ZNF462: variants seen among roughly 807,000 people sequenced by gnomAD.
ZNF462 encodes zinc finger PBX1-interacting protein.
A neutral mutation model predicts 201.9 loss-of-function variants in ZNF462; 10 were observed. The observed-to-expected ratio is 0.05, with a 90% CI of 0.03 to 0.08. ZNF462 has a LOEUF of 0.08. Among genes scored for constraint, ZNF462 ranks in the 10% least tolerant of loss-of-function variants. The pLI is 1.00. For missense variants in ZNF462, 2,523 were observed against 3,168.3 expected (o/e 0.80, Z 4.89); for synonymous variants, 1,227 against 1,193.3 (o/e 1.03, Z -0.58).
chr9:106,908,269 C>T (rs546067574), intron 1 of ZNF462, among the ~76,000 whole-genome samples: 1 of 152,126 alleles, frequency 6.6e-6, no homozygotes, highest in African/African-American at 2.4e-5. Flanking sequence ...GGTCTTTCTC[C>T]AATTAATCTG....
At position 106,902,520 on chromosome 9, in the gene ZNF462, TCG is replaced by T. The variant is rs1432701004; in HGVS notation, c.-30-20833_-30-20832del. Among the ~76,000 whole-genome samples the T allele has an allele frequency of 6.6e-6, 1 of 152,200 alleles. No individual in the cohort carries two copies. The highest frequency in any genetic ancestry group is 1.9e-4 in the East Asian group (1 of 5,196). The stretch of plus-strand genomic sequence containing the variant: ...TGGTACAAATTCTTTTTTGAATGTC[TCG>T]TAGAATTCTGCTGTGAATCCATCTG... On this transcript the variant is annotated intron_variant, in intron 1 of 12. Coordinates refer to ENST00000277225, the MANE Select transcript of ZNF462 (RefSeq NM_021224.6). The surrounding 1 kb of genome is among the most constrained non-coding windows in gnomAD (Gnocchi z 4.2).
At chr9:106,967,199 A>G (rs1832114265) in intron 7 of ZNF462, among the ~76,000 whole-genome samples, 1 of 152,082 alleles carries the variant, frequency 6.6e-6, no homozygotes, top group Non-Finnish European at 1.5e-5. Flanking sequence ...TCATAAGTCA[A>G]CTGCTCAACT....
chr9:106,971,256 C>G (rs1826591271), intron 7 of ZNF462, among the ~76,000 whole-genome samples: 1 of 151,536 alleles, frequency 6.6e-6, no homozygotes, highest in South Asian at 2.1e-4. Context: ...GATGTTGCAT[C>G]ATGTCCTTTC....
At chr9:106,996,038 T>A (rs1207872061) in intron 10 of ZNF462, among the ~76,000 whole-genome samples, 1 of 152,178 alleles carries the variant, frequency 6.6e-6, no homozygotes, top group African/African-American at 2.4e-5. Flanking sequence ...ATTGTTCAAT[T>A]CCCACCTATG....
At chr9:106,955,778 G>A (rs554206701) in intron 7 of ZNF462, among the ~76,000 whole-genome samples, 35 of 152,270 alleles carry the variant, frequency 2.3e-4, no homozygotes, top group Admixed American at 3.3e-4. Flanking sequence ...TTCATCAAAA[G>A]TAGTCTTCAC....
chr9:106,941,139 C>G (rs1830851400), intron 7 of ZNF462, among the ~76,000 whole-genome samples: 1 of 152,124 alleles, frequency 6.6e-6, no homozygotes, highest in Non-Finnish European at 1.5e-5. Flanking sequence ...TAAACCCACC[C>G]ACTGCATGTA....
chr9:106,867,319 TC>T (rs1827379197), intron 1 of ZNF462, among the ~76,000 whole-genome samples: 1 of 152,178 alleles, frequency 6.6e-6, no homozygotes, highest in Admixed American at 6.5e-5. Flanking sequence ...AGCTCAAAGA[TC>T]ATTTTTGTTT....
chr9:106,930,815 T>C lies in ZNF462; in HGVS notation c.6012+126T>C. The C allele has an allele frequency of 8.3e-7, 1 of 1,201,982 alleles. No individual in the cohort carries two copies. 74.5% of individuals were successfully genotyped at this position (1,201,982 alleles called of 1,614,324 possible). On this transcript the variant is annotated intron_variant, in intron 4 of 12. Transcript: ENST00000277225. This position sits in a 1 kb window ranked among gnomAD's most constrained non-coding sequence, Gnocchi z 5.8. The stretch of plus-strand genomic sequence containing the variant: ...CGGGCATTCCTGAATTATGCTTGGA[T>C]TGGTTTGGCTTGTTTTGATTTCTTT...
chr9:106,984,421 G>A lies in ZNF462; in HGVS notation c.7056+12G>A. 6.2e-7 allele frequency: 1 copy of A among 1,603,856 alleles called. No homozygotes were observed. The highest frequency in any genetic ancestry group is 2.2e-5 in the East Asian group (1 of 44,830). ...GGGATGAGCATAAGGTACTTACCAG[G>A]ACTTCCTGCTCCCGCCTCAGCACAC... On this transcript the variant is annotated intron_variant, in intron 10 of 12. Transcript: ENST00000277225. The surrounding 1 kb of genome is among the most constrained non-coding windows in gnomAD (Gnocchi z 6.4).
At position 106,929,165 on chromosome 9, in the gene ZNF462, C is replaced by G. The variant is rs146614277; in HGVS notation, c.5253C>G (p.Asp1751Glu). The change falls in exon 3 of 13, where the codon GAC becomes GAG. Residue 1751 changes from aspartate (D) to glutamate (E), a missense_variant. By Grantham distance (45) the Asp-to-Glu change is conservative (BLOSUM62 2). This residue lies in a region of ZNF462 where 207 missense variants were observed against 231.6 expected (regional missense o/e 0.89). Coordinates refer to ENST00000277225, the MANE Select transcript of ZNF462 (RefSeq NM_021224.6). This position sits in a 1 kb window ranked among gnomAD's most constrained non-coding sequence, Gnocchi z 8.7. Reference sequence around the variant, plus strand: ...TGATCATCCCATCCCCGCCCAAGGACGACTCCCCTCAGCTGAGCGAGGAAC... The same window carrying G: ...TGATCATCCCATCCCCGCCCAAGGAGGACTCCCCTCAGCTGAGCGAGGAAC... Reference protein sequence around the residue: ...NKVIIPSPPKDDSPQLSEELR... With the variant: ...NKVIIPSPPKEDSPQLSEELR... The G allele has an allele frequency of 6.2e-7, 1 of 1,614,130 alleles. No homozygotes were observed. The highest frequency in any genetic ancestry group is 2.2e-5 in the East Asian group (1 of 44,866).
rs770306604 is a variant in ZNF462 at position 106,925,302 on chromosome 9, T to C, written c.1390T>C (p.Ser464Pro). ...TCGTCACATAGAAAACATCCACTTA[T>C]CTGGAAAGACAGCTGTCTACAAATG... ...ISRHIENIHL[S>P]GKTAVYKCDE... The change falls in exon 3 of 13, where the codon TCT (serine) becomes CCT (proline). Residue 464 changes from serine to proline, a missense_variant. This residue lies in a region of ZNF462 where 13 missense variants were observed against 43.2 expected (regional missense o/e 0.30). Transcript: ENST00000277225. The surrounding 1 kb of genome is among the most constrained non-coding windows in gnomAD (Gnocchi z 7.9). 1 of 1,614,148 alleles carries C rather than the reference T, an allele frequency of 6.2e-7. No homozygotes were observed. Among genetic ancestry groups the C allele is most frequent in the South Asian group, 1.1e-5 (1 of 91,070 alleles).
At position 106,863,501 on chromosome 9, in the gene ZNF462, C is replaced by G. The variant is rs1290197636; in HGVS notation, c.-31+146C>G. 2.5e-5 allele frequency: 5 copies of G among 197,946 alleles called. No individual in the cohort carries two copies. The East Asian group carries it at 5.1e-4, about 20-fold the overall frequency. 12.3% of individuals were successfully genotyped at this position (197,946 alleles called of 1,614,324 possible). A position where few individuals can be genotyped will look rare whatever the true frequency, so the allele number is the denominator to read the frequency against. ...GAGGAGAGGAAGTCCCCTGCATGGA[C>G]TGGCTGTTGGAAGAGGAGAAGAAGC... On this transcript the variant is annotated intron_variant, in intron 1 of 12. Coordinates refer to ENST00000277225, the MANE Select transcript of ZNF462 (RefSeq NM_021224.6).
intron 7 of ZNF462, among the ~76,000 whole-genome samples, chr9:106,941,890 A>G (rs1274636441): frequency 6.6e-6 from 1 of 152,236 alleles, no homozygotes; most frequent in Non-Finnish European, 1.5e-5. Flanking sequence ...CTAAGTCTAC[A>G]GGATGGAAAA....
At chr9:106,873,445 C>A (rs1384266006) in intron 1 of ZNF462, among the ~76,000 whole-genome samples, 2 of 151,410 alleles carry the variant, frequency 1.3e-5, no homozygotes, top group African/African-American at 4.9e-5. Flanking sequence ...AGGTGTTGTA[C>A]TTTTTTTCTT....
intron 7 of ZNF462, 37 bp from the exon 8 acceptor site, chr9:106,971,968 C>A: frequency 1.3e-6 from 2 of 1,590,486 alleles, no homozygotes; most frequent in South Asian, 2.3e-5. Flanking sequence ...CTACTGTGTT[C>A]TCTGTGCCCC....
rs1288034070 is a variant in ZNF462 at position 106,972,732 on chromosome 9, TAGAG to T, written c.6695+462_6695+465del. 6.6e-6 allele frequency among the ~76,000 whole-genome samples: 1 copy of T among 152,140 alleles called. No homozygotes were observed. Among genetic ancestry groups the T allele is most frequent in the East Asian group, 1.9e-4 (1 of 5,192 alleles). Reference sequence around the variant, plus strand: ...TAAGATCGTAGTATTGAAAGACACATAGAGAATCAAGACCCTGGCACTTCCAACA... The same window carrying T: ...TAAGATCGTAGTATTGAAAGACACATAATCAAGACCCTGGCACTTCCAACA... On this transcript the variant is annotated intron_variant, in intron 8 of 12. Transcript: ENST00000277225. The surrounding 1 kb of genome is among the most constrained non-coding windows in gnomAD (Gnocchi z 4.8).
Position 106,924,092 on chromosome 9 carries a change from T to G in ZNF462, c.221-41T>G. 1 of 1,483,754 alleles carries G rather than the reference T, an allele frequency of 6.7e-7. No individual in the cohort carries two copies. The highest frequency in any genetic ancestry group is 9.1e-7 in the Non-Finnish European group (1 of 1,094,974). 91.9% of individuals were successfully genotyped at this position (1,483,754 alleles called of 1,614,324 possible). A position where few individuals can be genotyped will look rare whatever the true frequency, so the allele number is the denominator to read the frequency against. On this transcript the variant is annotated intron_variant, in intron 2 of 12. Transcript: ENST00000277225. This position sits in a 1 kb window ranked among gnomAD's most constrained non-coding sequence, Gnocchi z 6.2. ...TGATTTGCATGATTGGATATTTTAA[T>G]TATCTTTTGCTTTGTCACTTTCCTT... is the stretch of plus-strand genomic sequence containing the variant.
chr9:106,968,038 A>G lies in ZNF462; in HGVS notation c.6428-3967A>G, dbSNP rs966884432. Among the ~76,000 whole-genome samples the G allele has an allele frequency of 6.6e-6, 1 of 151,756 alleles. No individual in the cohort carries two copies. The highest frequency in any genetic ancestry group is 1.5e-5 in the Non-Finnish European group (1 of 67,944). ...CTATCACTTTCTCTCTTTCCTCTCT[A>G]CTATGTGTTTATTGCTGAAGCAACG... On this transcript the variant is annotated intron_variant, in intron 7 of 12. Coordinates refer to ENST00000277225, the MANE Select transcript of ZNF462 (RefSeq NM_021224.6). This position sits in a 1 kb window ranked among gnomAD's most constrained non-coding sequence, Gnocchi z 4.0.
At chr9:106,873,534 C>T (rs932547765) in intron 1 of ZNF462, among the ~76,000 whole-genome samples, 4 of 151,992 alleles carry the variant, frequency 2.6e-5, no homozygotes, top group Non-Finnish European at 4.4e-5. Context: ...TCAAAAGCTA[C>T]GCAGATGTTT....
Sources: gnomAD v4.1 joint callset for allele counts (sites outside exome capture counted in the v4.1 genomes callset) on GRCh38, gnomAD v4.1.1 for gene constraint, gnomAD v4.1.1 regional missense constraint, Gnocchi (gnomAD v3.1) non-coding constraint, MANE v1.5 for transcripts, NCBI Gene and HGNC (gene_info 2026-07-23, HGNC 2026-07-21) for gene names.